Variants in CALN1 observed in about 807,000 individuals in gnomAD.
CALN1 encodes the protein calneuron 1, also known as calcium-binding protein 8.
A neutral mutation model predicts 30.6 loss-of-function variants in CALN1; 17 were observed. The ratio of observed to expected loss-of-function variants is 0.56; its 90% confidence interval spans 0.38 to 0.83. The LOEUF (loss-of-function observed/expected upper bound fraction) is 0.83, where lower values mean the gene tolerates loss of function less well. Among genes scored for constraint, CALN1 ranks in the 40% least tolerant of loss-of-function variants. The probability of loss-of-function intolerance (pLI) is 0.00; values close to 1 mark genes in which losing one functional copy is unlikely to be tolerated. For synonymous variants in CALN1, 156 were observed against 131.4 expected, an observed-to-expected ratio of 1.19 and a Z score of -1.28; for missense variants, 291 against 354.9, an observed-to-expected ratio of 0.82 and a Z score of 1.45.
intron 2 of CALN1, among the ~76,000 whole-genome samples, chr7:72,387,266 AAGGGAGGAAGGG>A (rs1805276919): frequency 1.4e-4 from 1 of 7,314 alleles, no homozygotes; most frequent in African/African-American, 4.2e-4. Flanking sequence ...GGAAGGGAGG[AAGGGAGGAAGGG>A]AGGGAGGGAG....
chr7:72,140,587 C>A (rs1809855111), intron 3 of CALN1, among the ~76,000 whole-genome samples: 1 of 152,258 alleles, frequency 6.6e-6, no homozygotes, highest in Non-Finnish European at 1.5e-5. Flanking sequence ...TACACCCCAA[C>A]CTTGGCAGGC....
chr7:72,485,899 G>A, the CALN1 span, among the ~76,000 whole-genome samples: 1 of 152,102 alleles, frequency 6.6e-6, no homozygotes, highest in Non-Finnish European at 1.5e-5. Flanking sequence ...ACTGTTACTG[G>A]ACTAAATGTA....
At chr7:72,181,101 C>G (rs866796436) in intron 3 of CALN1, among the ~76,000 whole-genome samples, 2,502 of 83,462 alleles carry the variant, frequency 0.03, 159 homozygotes, top group African/African-American at 0.12. Flanking sequence ...GCATAACCCC[C>G]CCCCCCCCCA....
chr7:72,235,069 T>C (rs1276965482), intron 3 of CALN1, among the ~76,000 whole-genome samples: 1 of 152,066 alleles, frequency 6.6e-6, no homozygotes, highest in Non-Finnish European at 1.5e-5. Context: ...GTTCAGAAGT[T>C]TGAGACCACC....
At chr7:72,318,704 C>CTTTTTTTT (rs71069057) in intron 2 of CALN1, among the ~76,000 whole-genome samples, 3 of 72,020 alleles carry the variant, frequency 4.2e-5, no homozygotes, top group African/African-American at 6.6e-5. Context: ...CCATGTGTAG[C>CTTTTTTTT]TTTTTTTTTT....
intron 2 of CALN1, among the ~76,000 whole-genome samples, chr7:72,289,678 A>G (rs567634314): frequency 2.6e-5 from 4 of 152,320 alleles, no homozygotes; most frequent in South Asian, 4.1e-4. Context: ...GGCTAAATTA[A>G]CCACAAAATC....
At chr7:71,965,281 T>C (rs760956424) in intron 5 of CALN1, among the ~76,000 whole-genome samples, 1 of 152,180 alleles carries the variant, frequency 6.6e-6, no homozygotes, top group Non-Finnish European at 1.5e-5. Flanking sequence ...TCCTCCCGCC[T>C]CAGCCTCCCA....
chr7:72,288,028 A>G (rs1346376612), intron 2 of CALN1, among the ~76,000 whole-genome samples: 1 of 151,840 alleles, frequency 6.6e-6, no homozygotes, highest in African/African-American at 2.4e-5. Context: ...TTTGTGGCTT[A>G]AAATAAATAT....
At chr7:72,303,492 G>A (rs1799434528) in intron 2 of CALN1, among the ~76,000 whole-genome samples, 2 of 151,808 alleles carry the variant, frequency 1.3e-5, no homozygotes, top group Non-Finnish European at 2.9e-5. Context: ...GGGAGGCAGA[G>A]GCTGCGGTGA....
At chr7:71,950,179 C>T (rs1015205530) in intron 5 of CALN1, among the ~76,000 whole-genome samples, 4 of 152,174 alleles carry the variant, frequency 2.6e-5, no homozygotes, top group Non-Finnish European at 5.9e-5. Context: ...CCCCTGGTAA[C>T]ACCTGGAGAG....
the CALN1 span, among the ~76,000 whole-genome samples, chr7:72,491,561 T>C: frequency 1.4e-4 from 22 of 152,298 alleles, no homozygotes; most frequent in African/African-American, 5.1e-4. Flanking sequence ...ATGGTAAGAC[T>C]CTGTCTCAAA....
intron 2 of CALN1, among the ~76,000 whole-genome samples, chr7:72,307,974 C>T (rs192621108): frequency 6.6e-6 from 1 of 152,192 alleles, no homozygotes; most frequent in East Asian, 1.9e-4. Context: ...CTCTCACTCA[C>T]TAACCTTCAC....
intron 2 of CALN1, among the ~76,000 whole-genome samples, chr7:72,323,938 G>A (rs1042200106): frequency 6.6e-6 from 1 of 152,044 alleles, no homozygotes; most frequent in Non-Finnish European, 1.5e-5. Context: ...CAGCTACTCG[G>A]GAGGCTGAGG....
At chr7:71,970,351 A>G (rs1797734212) in intron 5 of CALN1, among the ~76,000 whole-genome samples, 1 of 152,150 alleles carries the variant, frequency 6.6e-6, no homozygotes, top group African/African-American at 2.4e-5. Flanking sequence ...AGAAAACAGT[A>G]CCCTTCTGAT....
intron 1 of CALN1, among the ~76,000 whole-genome samples, chr7:72,407,440 A>G (rs904289314): frequency 2.0e-5 from 3 of 151,832 alleles, no homozygotes; most frequent in Admixed American, 6.6e-5. Flanking sequence ...ACGGGGGTGT[A>G]TTTTTCCCAC....
At chr7:72,185,706 G>T (rs1336687799) in intron 3 of CALN1, among the ~76,000 whole-genome samples, 1 of 152,098 alleles carries the variant, frequency 6.6e-6, no homozygotes, top group Non-Finnish European at 1.5e-5. Context: ...TTGAATCATG[G>T]GGGCGGTTTT....
At chr7:71,964,434 G>A (rs901033834) in intron 5 of CALN1, among the ~76,000 whole-genome samples, 23 of 152,264 alleles carry the variant, frequency 1.5e-4, no homozygotes, top group South Asian at 6.2e-4. Context: ...TCTGCTTATC[G>A]CAAGGACAGA....
chr7:72,064,140 G>C (rs1473259823), intron 4 of CALN1, among the ~76,000 whole-genome samples: 1 of 151,990 alleles, frequency 6.6e-6, no homozygotes, highest in Non-Finnish European at 1.5e-5. Context: ...AAATTAGCTG[G>C]TCATGGTGGT....
chr7:72,055,815 C>T (rs1054571435), intron 4 of CALN1, among the ~76,000 whole-genome samples: 1 of 151,948 alleles, frequency 6.6e-6, no homozygotes, highest in African/African-American at 2.4e-5. Flanking sequence ...AGTTTGAAAC[C>T]AGCCTAGGCA....
Sources: allele counts gnomAD v4.1 joint callset (sites outside exome capture counted in the v4.1 genomes callset), GRCh38; gene constraint gnomAD v4.1.1; transcripts MANE v1.5; gene names NCBI Gene and HGNC (gene_info 2026-07-23, HGNC 2026-07-21).